POLK: variants seen among roughly 807,000 people sequenced by gnomAD.
POLK encodes the protein DNA polymerase kappa.
A neutral mutation model predicts 94.0 loss-of-function variants in POLK; 76 were observed. That is an observed-to-expected ratio of 0.81 (90% confidence interval 0.67 to 0.98). The LOEUF (loss-of-function observed/expected upper bound fraction) is 0.98, where lower values mean the gene tolerates loss of function less well. Among genes scored for constraint, POLK ranks in the 50% least tolerant of loss-of-function variants. The pLI is 0.00. For missense variants in POLK, 954 were observed against 1,010.1 expected, an observed-to-expected ratio of 0.94 and a Z score of 0.75; for synonymous variants, 349 against 325.4, an observed-to-expected ratio of 1.07 and a Z score of -0.78.
At chr5:75,564,156 C>A (rs1234022043) in intron 3 of POLK, among the ~76,000 whole-genome samples, 1 of 152,190 alleles carries the variant, frequency 6.6e-6, no homozygotes, top group Admixed American at 6.5e-5. Flanking sequence ...TAATGCCCTT[C>A]TTTGTCTCTT....
intron 2 of POLK, among the ~76,000 whole-genome samples, chr5:75,550,542 G>A (rs1161248180): frequency 6.6e-6 from 1 of 152,026 alleles, no homozygotes; most frequent in African/African-American, 2.4e-5. Flanking sequence ...TTGCACCACT[G>A]CACTCCAGTC....
chr5:75,562,973 T>G lies in POLK; in HGVS notation c.256-6367T>G, dbSNP rs1771067529. ...CAGGGATATTGGCCTGAAATTTTTT[T>G]GTTGTTGTTGTGTCTCTCTCAGGTT... On this transcript the variant is annotated intron_variant, in intron 3 of 14. Transcript: ENST00000241436. 2.0e-5 allele frequency among the ~76,000 whole-genome samples: 3 copies of G among 152,318 alleles called. No individual in the cohort carries two copies. In the South Asian group the frequency reaches 6.2e-4, roughly 32 times the overall value.
chr5:75,526,397 C>G (rs1476999304), intron 1 of POLK, among the ~76,000 whole-genome samples: 1 of 151,896 alleles, frequency 6.6e-6, no homozygotes, highest in East Asian at 1.9e-4. Context: ...AACCTCAGCA[C>G]CTAATTAATA....
chr5:75,565,503 C>A (rs1771220704), intron 3 of POLK, among the ~76,000 whole-genome samples: 1 of 152,116 alleles, frequency 6.6e-6, no homozygotes, highest in South Asian at 2.1e-4. Flanking sequence ...ACTGTTTTTT[C>A]CTCATCTTTG....
the POLK span, among the ~76,000 whole-genome samples, chr5:75,607,241 T>C: frequency 6.6e-6 from 1 of 151,806 alleles, no homozygotes; most frequent in East Asian, 1.9e-4. Flanking sequence ...CCAAGGCGGG[T>C]GGATCACCTG....
intron 1 of POLK, among the ~76,000 whole-genome samples, chr5:75,521,347 G>A (rs903722267): frequency 2.0e-5 from 3 of 151,400 alleles, no homozygotes; most frequent in African/African-American, 2.4e-5. Flanking sequence ...CTTACTGATT[G>A]TTTTTTTCTG....
chr5:75,593,879 G>A, exon 12 of POLK: 1 of 1,544,578 alleles, frequency 6.5e-7, no homozygotes, highest in Non-Finnish European at 8.9e-7. Context: ...ATGTTATAGG[G>A]TAGAACTGTT....
downstream of POLK, among the ~76,000 whole-genome samples, chr5:75,602,652 G>A (rs756087835): frequency 1.8e-4 from 27 of 152,208 alleles, no homozygotes; most frequent in Non-Finnish European, 3.5e-4. Context: ...TGTTTAGGGG[G>A]TCTCAAGGAG....
At chr5:75,582,965 A>AG (rs1230117460) in intron 7 of POLK, 1 of 173,120 alleles carries the variant, frequency 5.8e-6, no homozygotes, top group Non-Finnish European at 1.2e-5. Flanking sequence ...AAAAAAAAAA[A>AG]TCTGTATTCC....
chr5:75,511,538 G>A (rs1324446862), upstream of POLK: 1 of 1,459,462 alleles, frequency 6.9e-7, no homozygotes, highest in African/African-American at 1.4e-5. Context: ...GAAGGAAAAG[G>A]GAAAAGAAGG....
exon 10 of POLK, chr5:75,587,048 A>G: frequency 6.5e-7 from 1 of 1,536,876 alleles, no homozygotes; most frequent in Non-Finnish European, 8.9e-7. Flanking sequence ...GAAAAGTATG[A>G]GCGTTGAGAG....
intron 1 of POLK, among the ~76,000 whole-genome samples, chr5:75,521,834 T>C (rs1324233130): frequency 6.6e-6 from 1 of 152,164 alleles, no homozygotes; most frequent in Non-Finnish European, 1.5e-5. Flanking sequence ...AATTCCAGCT[T>C]TGCCTCTGCC....
At chr5:75,569,665 C>A (rs574840358) in intron 4 of POLK, among the ~76,000 whole-genome samples, 173 bp downstream of exon 4, 8 of 152,242 alleles carry the variant, frequency 5.3e-5, no homozygotes, top group African/African-American at 1.9e-4. Context: ...AGGCAGGGGA[C>A]CCCAACCCCC....
At chr5:75,522,514 C>T (rs1768636207) in intron 1 of POLK, among the ~76,000 whole-genome samples, 1 of 152,122 alleles carries the variant, frequency 6.6e-6, no homozygotes, top group African/African-American at 2.4e-5. Flanking sequence ...ATAAAAGCCA[C>T]TAAAAAGAAG....
chr5:75,529,437 G>A (rs1298032967), intron 1 of POLK, among the ~76,000 whole-genome samples: 1 of 152,076 alleles, frequency 6.6e-6, no homozygotes, highest in East Asian at 1.9e-4. Flanking sequence ...CAACATTGGG[G>A]ATCACATTTC....
chr5:75,560,915 T>C (rs1413652439), intron 3 of POLK, among the ~76,000 whole-genome samples: 3 of 152,238 alleles, frequency 2.0e-5, no homozygotes, highest in Admixed American at 1.3e-4. Flanking sequence ...CAGTCTATCA[T>C]TGATGGGCAT....
At chr5:75,537,204 A>G (rs535039237) in intron 1 of POLK, among the ~76,000 whole-genome samples, 1 of 152,202 alleles carries the variant, frequency 6.6e-6, no homozygotes, top group East Asian at 1.9e-4. Context: ...CAAAGCTTGT[A>G]GAGGTGCCCT....
intron 1 of POLK, among the ~76,000 whole-genome samples, chr5:75,540,893 A>G (rs558215675): frequency 1.0e-3 from 153 of 152,310 alleles, no homozygotes; most frequent in African/African-American, 3.4e-3. Context: ...AGATTTTCAC[A>G]CTTTTGAGTA....
chr5:75,597,936 C>T (rs766520992), exon 15 of POLK: 1 of 1,468,470 alleles, frequency 6.8e-7, no homozygotes, highest in Non-Finnish European at 9.2e-7. Context: ...CATTCTAGGC[C>T]AGGATTGATG....
Sources: gnomAD v4.1 joint callset for allele counts (sites outside exome capture counted in the v4.1 genomes callset) on GRCh38, gnomAD v4.1.1 for gene constraint, MANE v1.5 for transcripts, NCBI Gene and HGNC (gene_info 2026-07-23, HGNC 2026-07-21) for gene names.